PCDHGB1: variants seen among roughly 807,000 people sequenced by gnomAD.
PCDHGB1 encodes the protein protocadherin gamma subfamily B, 1.
In PCDHGB1, 34 loss-of-function variants were observed where a neutral mutation model predicts 56.6. The observed-to-expected ratio is 0.60, with a 90% CI of 0.46 to 0.80. PCDHGB1 has a LOEUF of 0.80. Ranked by LOEUF, PCDHGB1 falls within the 30% of genes least tolerant of loss-of-function variation. The pLI, the probability that PCDHGB1 is intolerant of heterozygous loss-of-function variation, is 0.00. For missense variants in PCDHGB1, 1,278 were observed against 1,204.6 expected, an observed-to-expected ratio of 1.06 and a Z score of -0.90; for synonymous variants, 561 against 505.9, an observed-to-expected ratio of 1.11 and a Z score of -1.46.
intron 1 of PCDHGB1, chr5:141,399,784 G>A: frequency 6.2e-7 from 1 of 1,613,288 alleles, no homozygotes; most frequent in Non-Finnish European, 8.5e-7. Context: ...CGACCGAAAC[G>A]ACAACGCACC....
At chr5:141,409,972 G>A in intron 1 of PCDHGB1, 1 of 1,613,374 alleles carries the variant, frequency 6.2e-7, no homozygotes, top group South Asian at 1.1e-5. Context: ...TAGTGACTAA[G>A]GTGGTAGCGG....
chr5:141,371,611 C>G (rs561217101), intron 1 of PCDHGB1: 1 of 1,613,996 alleles, frequency 6.2e-7, no homozygotes, highest in Non-Finnish European at 8.5e-7. Context: ...AGGTTGGTGA[C>G]AGATGGAGCC....
At chr5:141,355,052 TG>T in intron 1 of PCDHGB1, 1 of 1,201,334 alleles carries the variant, frequency 8.3e-7, no homozygotes, top group Non-Finnish European at 1.1e-6. Context: ...CACAAAGCAC[TG>T]GCTCTGGAGC....
At chr5:141,403,784 G>T in intron 1 of PCDHGB1, 1 of 1,613,906 alleles carries the variant, frequency 6.2e-7, no homozygotes, top group Non-Finnish European at 8.5e-7. Context: ...CGGAAAAGTG[G>T]CATACAAATT....
chr5:141,364,948 T>C, intron 1 of PCDHGB1: 1 of 1,613,922 alleles, frequency 6.2e-7, no homozygotes, highest in Admixed American at 1.7e-5. Flanking sequence ...AGAAAGAGAC[T>C]GTTCACGACC....
chr5:141,421,409 C>T, intron 1 of PCDHGB1: 1 of 1,614,026 alleles, frequency 6.2e-7, no homozygotes, highest in Non-Finnish European at 8.5e-7. Context: ...CGGGAGCTGG[C>T]GAAGCGCGGA....
At chr5:141,356,018 C>T in intron 1 of PCDHGB1, 1 of 1,613,878 alleles carries the variant, frequency 6.2e-7, no homozygotes, top group Non-Finnish European at 8.5e-7. Context: ...GATGAAGGAG[C>T]CAATGGAGAC....
Position 141,432,617 on chromosome 5 carries a change from G to T in PCDHGB1, c.2410-62190G>T, listed in dbSNP as rs2097521313. The T allele has an allele frequency of 6.2e-7, 1 of 1,613,578 alleles. No homozygotes were observed. The highest frequency in any genetic ancestry group is 1.3e-5 in the African/African-American group (1 of 74,842). On this transcript the variant is annotated intron_variant, in intron 1 of 3. Coordinates refer to ENST00000523390, the MANE Select transcript of PCDHGB1 (RefSeq NM_018922.3). This position sits in a 1 kb window ranked among gnomAD's most constrained non-coding sequence, Gnocchi z 6.0. ...CAGCGAGCCGGGACTCTTCTCGGTGGGTCTGCACACGGGCGAGGTGCGCAC... is the reference window on the plus strand; with the variant it reads ...CAGCGAGCCGGGACTCTTCTCGGTGTGTCTGCACACGGGCGAGGTGCGCAC...
intron 1 of PCDHGB1, among the ~76,000 whole-genome samples, chr5:141,483,646 GTT>G (rs2099584256): frequency 6.8e-6 from 1 of 146,706 alleles, no homozygotes; most frequent in Admixed American, 6.7e-5. Flanking sequence ...AGGGGTGTGT[GTT>G]TGTGTGTGTG....
At chr5:141,388,278 A>C (rs769879098) in intron 1 of PCDHGB1, 2 of 1,613,384 alleles carry the variant, frequency 1.2e-6, no homozygotes, top group African/African-American at 2.7e-5. Context: ...CCACACGCCA[A>C]AATTCACGCA....
chr5:141,404,880 T>C, intron 1 of PCDHGB1: 2 of 1,613,896 alleles, frequency 1.2e-6, no homozygotes, highest in Non-Finnish European at 8.5e-7. Flanking sequence ...CAGAGCCTTG[T>C]GGTGGCTGTA....
At chr5:141,376,313 G>A in intron 1 of PCDHGB1, 1 of 1,614,230 alleles carries the variant, frequency 6.2e-7, no homozygotes, top group Non-Finnish European at 8.5e-7. Flanking sequence ...TGTGGGCGTG[G>A]AAGGGGTTCG....
chr5:141,439,297 G>T (rs1252051365), intron 1 of PCDHGB1, among the ~76,000 whole-genome samples: 1 of 152,064 alleles, frequency 6.6e-6, no homozygotes, highest in African/African-American at 2.4e-5. Context: ...CATGGAAAAA[G>T]TAAAGCCCAG....
intron 1 of PCDHGB1, among the ~76,000 whole-genome samples, chr5:141,467,109 A>G (rs1431550069): frequency 2.0e-5 from 3 of 150,594 alleles, no homozygotes; most frequent in African/African-American, 4.9e-5. Context: ...CTGGAGTACA[A>G]TGGTGCAATC....
intron 2 of PCDHGB1, among the ~76,000 whole-genome samples, chr5:141,500,027 G>C (rs1458308566): frequency 6.6e-6 from 1 of 151,808 alleles, no homozygotes; most frequent in Non-Finnish European, 1.5e-5. Flanking sequence ...ATATTTGAGT[G>C]AGTGTCTCTT....
intron 1 of PCDHGB1, among the ~76,000 whole-genome samples, chr5:141,464,625 T>C (rs1477206347): frequency 6.6e-6 from 1 of 152,190 alleles, no homozygotes; most frequent in East Asian, 1.9e-4. Context: ...TGTCAAGCTT[T>C]TTAATTGTTG....
At chr5:141,400,191 A>G (rs781032596) in intron 1 of PCDHGB1, 2 of 1,613,970 alleles carry the variant, frequency 1.2e-6, no homozygotes, top group Non-Finnish European at 1.7e-6. Context: ...AGTTTTACCT[A>G]GTGGTGGCCT....
chr5:141,388,384 T>G, intron 1 of PCDHGB1: 3 of 1,614,014 alleles, frequency 1.9e-6, no homozygotes, highest in Non-Finnish European at 2.5e-6. Context: ...AGCAACACAC[T>G]GCAGAATTAC....
chr5:141,454,796 A>ATTTTTTTT (rs61612330), intron 1 of PCDHGB1, among the ~76,000 whole-genome samples: 1,488 of 77,444 alleles, frequency 0.019, 251 homozygotes, highest in African/African-American at 0.042. Flanking sequence ...CATGGTTCTA[A>ATTTTTTTT]TTTTTTTTTT....
Sources: gnomAD v4.1 joint callset for allele counts (sites outside exome capture counted in the v4.1 genomes callset) on GRCh38, gnomAD v4.1.1 for gene constraint, Gnocchi (gnomAD v3.1) non-coding constraint, MANE v1.5 for transcripts, NCBI Gene and HGNC (gene_info 2026-07-23, HGNC 2026-07-21) for gene names.